MAPT: variants seen among roughly 807,000 people sequenced by gnomAD.
MAPT encodes the protein microtubule associated protein tau, also known as microtubule-associated protein tau.
MAPT carries 34 observed loss-of-function variants against 67.9 expected under a neutral mutation model. The observed-to-expected ratio is 0.50, with a 90% CI of 0.38 to 0.67. The LOEUF is 0.67. Among genes scored for constraint, MAPT ranks in the 30% least tolerant of loss-of-function variants. The probability of loss-of-function intolerance (pLI) is 0.00; values close to 1 mark genes in which losing one functional copy is unlikely to be tolerated. For synonymous variants in MAPT, 456 were observed against 464.5 expected, an observed-to-expected ratio of 0.98 and a Z score of 0.23; for missense variants, 881 against 1,115.2, an observed-to-expected ratio of 0.79 and a Z score of 2.99.
chr17:46,024,677 C>T lies in MAPT; in HGVS notation c.*506C>T, dbSNP rs938649780. On this transcript the variant is annotated 3_prime_UTR_variant, in exon 13 of 13. Coordinates refer to ENST00000262410, the MANE Select transcript of MAPT (RefSeq NM_001377265.1). The stretch of plus-strand genomic sequence containing the variant: ...CGATGTCAACCTTGTGTGAGTGTGA[C>T]GGGGGTTGGGGTGGGGCGGGAGGCC... 3 of 43,790 alleles carry T rather than the reference C, an allele frequency of 6.9e-5. No individual in the cohort carries two copies. The highest frequency in any genetic ancestry group is 4.2e-4 in the East Asian group (1 of 2,368). The allele number at this position is 43,790 out of a possible 1,614,324, so 2.7% of individuals were successfully genotyped here. A position where few individuals can be genotyped will look rare whatever the true frequency, so the allele number is the denominator to read the frequency against.
intron 1 of MAPT, among the ~76,000 whole-genome samples, chr17:45,939,901 C>T (rs995150959): frequency 6.6e-6 from 1 of 152,120 alleles, no homozygotes; most frequent in Non-Finnish European, 1.5e-5. Context: ...TTCTTATGTT[C>T]CTTCTGTGGA....
intron 11 of MAPT, among the ~76,000 whole-genome samples, chr17:46,015,594 GCTTGC>G (rs1200849470): frequency 6.6e-6 from 1 of 152,152 alleles, no homozygotes; most frequent in Non-Finnish European, 1.5e-5. Flanking sequence ...GGGAGGCGGA[GCTTGC>G]AGTGAGCCGA....
rs1040557222 is a variant in MAPT at position 45,995,246 on chromosome 17, A to G, written c.1733-1153A>G. Among the ~76,000 whole-genome samples, 4 of 152,184 alleles carry G rather than the reference A, an allele frequency of 2.6e-5. No individual in the cohort carries two copies. The highest frequency in any genetic ancestry group is 9.6e-5 in the African/African-American group (4 of 41,456). ...CGGGAAGCTTCTGGACTTGCAGGAAAGCTAAGTTCTCAGACTGCAGGGGAG... is the reference window on the plus strand; with the variant it reads ...CGGGAAGCTTCTGGACTTGCAGGAAGGCTAAGTTCTCAGACTGCAGGGGAG... On this transcript the variant is annotated intron_variant, in intron 8 of 12. Transcript: ENST00000262410. This position sits in a 1 kb window ranked among gnomAD's most constrained non-coding sequence, Gnocchi z 4.3.
At position 46,027,897 on chromosome 17, in the gene MAPT, C is replaced by T. The variant is rs780627552; in HGVS notation, c.*3726C>T. On this transcript the variant is annotated 3_prime_UTR_variant, in exon 13 of 13. Coordinates refer to ENST00000262410, the MANE Select transcript of MAPT (RefSeq NM_001377265.1). ...CTCTGTGCCACCTCTCACACTGGCTCCAGACACACAGCCTGTGCTTTTGGA... is the reference window on the plus strand; with the variant it reads ...CTCTGTGCCACCTCTCACACTGGCTTCAGACACACAGCCTGTGCTTTTGGA... The T allele has an allele frequency of 6.6e-6, 1 of 152,424 alleles. No individual in the cohort carries two copies. Among genetic ancestry groups the T allele is most frequent in the East Asian group, 1.9e-4 (1 of 5,204 alleles). The allele number at this position is 152,424 out of a possible 1,614,324, so 9.4% of individuals were successfully genotyped here. A position where few individuals can be genotyped will look rare whatever the true frequency, so the allele number is the denominator to read the frequency against.
chr17:45,971,846 G>C lies in MAPT; in HGVS notation c.134-13G>C. On this transcript the variant is annotated splice_polypyrimidine_tract_variant and intron_variant, in intron 2 of 12. Coordinates refer to ENST00000262410, the MANE Select transcript of MAPT (RefSeq NM_001377265.1). This position sits in a 1 kb window ranked among gnomAD's most constrained non-coding sequence, Gnocchi z 4.3. The stretch of plus-strand genomic sequence containing the variant: ...GAGGCCACCGTTCTGAGGGCTCACT[G>C]TATGTGTTCCAGAATCTCCCCTGCA... 6.3e-7 allele frequency: 1 copy of C among 1,599,320 alleles called. No homozygotes were observed. Among genetic ancestry groups the C allele is most frequent in the Non-Finnish European group, 8.6e-7 (1 of 1,166,538 alleles).
At chr17:45,938,450 A>G (rs12150242) in intron 1 of MAPT, among the ~76,000 whole-genome samples, 21,822 of 152,218 alleles carry the variant, frequency 0.14, 2,135 homozygotes, top group Middle Eastern at 0.22. Flanking sequence ...CAGGACCCTC[A>G]TGATTACTTT....
chr17:45,951,823 A>G (rs2069114904), intron 1 of MAPT, among the ~76,000 whole-genome samples: 1 of 152,024 alleles, frequency 6.6e-6, no homozygotes, highest in Non-Finnish European at 1.5e-5. Flanking sequence ...CCTCCCCTAA[A>G]ATGTGTTCCT....
intron 1 of MAPT, among the ~76,000 whole-genome samples, chr17:45,938,603 C>G (rs1232032949): frequency 6.6e-6 from 1 of 152,170 alleles, no homozygotes; most frequent in Non-Finnish European, 1.5e-5. Context: ...GAGCCTGTCT[C>G]TGAAAGGCTA....
chr17:45,980,707 G>C (rs1374837971), intron 4 of MAPT, among the ~76,000 whole-genome samples: 2 of 152,048 alleles, frequency 1.3e-5, no homozygotes, highest in Admixed American at 6.6e-5. Context: ...TATTATATCA[G>C]AGTACAGTAA....
intron 1 of MAPT, 165 bp downstream of exon 1, chr17:45,894,851 G>C (rs951703752): frequency 6.6e-6 from 1 of 152,400 alleles, no homozygotes; most frequent in African/African-American, 2.4e-5. Flanking sequence ...GCTGGGGCCA[G>C]GGCGGCCTGG....
intron 3 of MAPT, chr17:45,978,127 G>A: frequency 1.8e-6 from 1 of 543,718 alleles, no homozygotes; most frequent in Non-Finnish European, 3.3e-6. Context: ...AGTGGAGAAA[G>A]TCTTTCCTAC....
chr17:45,990,576 G>A (rs745567977), intron 7 of MAPT: 30 of 371,122 alleles, frequency 8.1e-5, no homozygotes, highest in Non-Finnish European at 1.3e-4. Context: ...CAGCTTGGGC[G>A]ACAGAGCAAG....
At chr17:45,969,850 T>G (rs62641967) in intron 2 of MAPT, among the ~76,000 whole-genome samples, 21,951 of 151,952 alleles carry the variant, frequency 0.14, 2,135 homozygotes, top group Non-Finnish European at 0.22. Context: ...TCATTCATTC[T>G]TCCATCGATT....
At chr17:45,928,380 G>T (rs1351790899) in intron 1 of MAPT, among the ~76,000 whole-genome samples, 1 of 152,134 alleles carries the variant, frequency 6.6e-6, no homozygotes, top group Non-Finnish European at 1.5e-5. Flanking sequence ...CTTCCTTGGG[G>T]AAGTTTTCTC....
Position 45,983,633 on chromosome 17 carries a change from A to G in MAPT, c.1054A>G (p.Thr352Ala), listed in dbSNP as rs1291748893. The part of the protein sequence containing the change: ...LPVDFLSKVS[T>A]EIPASEPDGP... ...TGTGGATTTCCTCTCCAAAGTTTCC[A>G]CAGAGATCCCAGCCTCAGAGCCCGA... The change falls in exon 5 of 13, where the codon ACA becomes GCA. Residue 352 changes from threonine to alanine, a missense_variant. Physicochemically the swap from Thr to Ala is moderately conservative, Grantham distance 58. Transcript: ENST00000262410. 7.4e-6 allele frequency: 12 copies of G among 1,613,540 alleles called. No homozygotes were observed. Among genetic ancestry groups the G allele is most frequent in the Non-Finnish European group, 1.0e-5 (12 of 1,179,990 alleles).
chr17:46,023,281 C>T (rs2076641959), intron 12 of MAPT, among the ~76,000 whole-genome samples: 1 of 152,242 alleles, frequency 6.6e-6, no homozygotes, highest in African/African-American at 2.4e-5. Context: ...TTCATACACA[C>T]CATTGCCTGT....
chr17:45,907,130 C>T (rs966174509), intron 1 of MAPT, among the ~76,000 whole-genome samples: 2 of 152,300 alleles, frequency 1.3e-5, no homozygotes, highest in African/African-American at 2.4e-5. Flanking sequence ...GCTGCCTGCC[C>T]GGGTCCCCAC....
intron 1 of MAPT, among the ~76,000 whole-genome samples, chr17:45,931,347 C>T (rs2066833758): frequency 6.6e-6 from 1 of 152,098 alleles, no homozygotes; most frequent in Admixed American, 6.6e-5. Flanking sequence ...AAATGTTTCT[C>T]TTGTTGAACT....
At chr17:45,993,576 G>A (rs1431184691) in intron 8 of MAPT, among the ~76,000 whole-genome samples, 1 of 152,160 alleles carries the variant, frequency 6.6e-6, no homozygotes. Flanking sequence ...ACCACGCCCT[G>A]CTAATTTTTG....
Sources: gnomAD v4.1 joint callset for allele counts (sites outside exome capture counted in the v4.1 genomes callset) on GRCh38, gnomAD v4.1.1 for gene constraint, Gnocchi (gnomAD v3.1) non-coding constraint, MANE v1.5 for transcripts, NCBI Gene and HGNC (gene_info 2026-07-23, HGNC 2026-07-21) for gene names.